Variants in HAUS7 observed in about 807,000 individuals in gnomAD.
HAUS7 encodes the protein HAUS augmin-like complex subunit 7.
Under a neutral mutation model 28.4 loss-of-function variants are expected in HAUS7, and 3 were observed. That is an observed-to-expected ratio of 0.11 (90% CI 0.05 to 0.27). The LOEUF (loss-of-function observed/expected upper bound fraction) is 0.27. Ranked by LOEUF, HAUS7 falls within the 10% of genes least tolerant of loss-of-function variation. HAUS7 has a pLI of 1.00. For synonymous variants in HAUS7, 165 were observed against 132.1 expected, an observed-to-expected ratio of 1.25 and a Z score of -1.71; for missense variants, 284 against 297.3, an observed-to-expected ratio of 0.96 and a Z score of 0.33.
chrX:153,478,403 A>G (rs1291386871), intron 1 of HAUS7, among the ~76,000 whole-genome samples: 2 of 111,467 alleles, frequency 1.8e-5, no homozygotes, highest in Non-Finnish European at 3.8e-5. Context: ...AGCCCAGCCT[A>G]TTTTCCACCT....
intron 3 of HAUS7, chrX:153,463,077 A>G: frequency 2.9e-6 from 1 of 343,541 alleles, no homozygotes; most frequent in South Asian, 2.6e-5. Context: ...TCGTGCCATC[A>G]TCTGCTATCA....
At chrX:153,469,839 A>C (rs1330938681) in intron 1 of HAUS7, among the ~76,000 whole-genome samples, 1 of 110,773 alleles carries the variant, frequency 9.0e-6, no homozygotes, top group Non-Finnish European at 1.9e-5. Flanking sequence ...AGGTTTCGGG[A>C]CTGAGGGAAA....
chrX:153,473,128 C>T (rs1175068381), upstream of HAUS7, among the ~76,000 whole-genome samples: 4 of 111,860 alleles, frequency 3.6e-5, no homozygotes, highest in Non-Finnish European at 5.7e-5. Flanking sequence ...AAGTGGGCAG[C>T]CTCCCTGACC....
rs969570085 is a variant in HAUS7 at position 153,454,437 on chromosome X, G to C, written c.1002C>G (p.Gly334=). 8.4e-6 allele frequency: 10 copies of C among 1,188,810 alleles called. No individual in the cohort carries two copies. Among genetic ancestry groups the C allele is most frequent in the African/African-American group, 1.8e-5 (1 of 55,756 alleles). The change falls in exon 9 of 10, where the codon GGC becomes GGG. Residue 334 remains glycine (G), a synonymous_variant. Coordinates refer to ENST00000370211, the MANE Select transcript of HAUS7 (RefSeq NM_001385482.1). ...TGCTGCCACCCCAGCAGATCTGCTC[G>C]CCTTGCTGCTTCTTCACGGTCTCCA... ...KAVETVKKQQ[G]EQICWGGSSS...
intron 1 of HAUS7, among the ~76,000 whole-genome samples, chrX:153,479,809 G>A (rs782277351): frequency 6.3e-5 from 7 of 111,507 alleles, no homozygotes; most frequent in East Asian, 2.9e-4. Flanking sequence ...GGGGTAGGGC[G>A]GGAGGGGCCA....
chrX:153,492,911 G>A (rs782004775), intron 1 of HAUS7, among the ~76,000 whole-genome samples: 12 of 111,955 alleles, frequency 1.1e-4, no homozygotes, highest in Non-Finnish European at 1.7e-4. Context: ...GAGGCCCTGA[G>A]TGACAGCTCC....
At chrX:153,489,679 G>A (rs2089659721) in intron 1 of HAUS7, among the ~76,000 whole-genome samples, 1 of 112,452 alleles carries the variant, frequency 8.9e-6, no homozygotes, top group African/African-American at 3.2e-5. Context: ...CCCTGGGGCT[G>A]GGCCTGTGTC....
intron 1 of HAUS7, chrX:153,482,287 G>A (rs952749351): frequency 5.3e-5 from 40 of 754,472 alleles, no homozygotes; most frequent in Non-Finnish European, 1.1e-5. Context: ...CGACCAGCAG[G>A]CCCCCAACCC....
upstream of HAUS7, among the ~76,000 whole-genome samples, chrX:153,473,306 C>T (rs1157766980): frequency 1.8e-5 from 2 of 112,807 alleles, no homozygotes; most frequent in Non-Finnish European, 1.9e-5. Flanking sequence ...TCTGCAGAGG[C>T]GGGTCTGCTT....
intron 1 of HAUS7, among the ~76,000 whole-genome samples, chrX:153,477,038 C>T (rs1418066661): frequency 8.8e-6 from 1 of 113,076 alleles, no homozygotes; most frequent in Non-Finnish European, 1.9e-5. Context: ...AGGAGTACCA[C>T]TCCCCAGGGG....
chrX:153,470,415 C>T (rs2089506547), intron 1 of HAUS7, 35 bp downstream of exon 1: 1 of 1,197,874 alleles, frequency 8.3e-7, no homozygotes, highest in African/African-American at 1.7e-5. Context: ...CTCCCCGGTC[C>T]CCCGCCCTGG....
At chrX:153,456,946 G>C (rs1015191456) in intron 5 of HAUS7, 191 bp downstream of exon 5, 1 of 443,288 alleles carries the variant, frequency 2.3e-6, no homozygotes, top group African/African-American at 2.5e-5. Context: ...GCAACAGCCA[G>C]CACCCTTGGG....
intron 2 of HAUS7, among the ~76,000 whole-genome samples, chrX:153,466,833 G>T (rs782557354): frequency 3.0e-4 from 34 of 112,427 alleles, no homozygotes; most frequent in African/African-American, 1.1e-3. Context: ...CCGATATGAC[G>T]CTCAAAGGAG....
Position 153,447,783 on chromosome X carries a change from G to A in HAUS7, c.*95C>T. Reference sequence around the variant, plus strand: ...ACGTGGGGCTGCAACGGCTTCTGCTGCCACAATCATCCATCCTCGGCCAAC... The same window carrying A: ...ACGTGGGGCTGCAACGGCTTCTGCTACCACAATCATCCATCCTCGGCCAAC... On this transcript the variant is annotated 3_prime_UTR_variant, in exon 10 of 10. Transcript: ENST00000370211. 1.3e-6 allele frequency: 1 copy of A among 741,091 alleles called. No individual in the cohort carries two copies. Among genetic ancestry groups the A allele is most frequent in the South Asian group, 2.1e-5 (1 of 48,094 alleles). The allele number at this position is 741,091 out of a possible 1,213,427, so 61.1% of individuals were successfully genotyped here.
chrX:153,487,211 G>A, intron 1 of HAUS7: 1 of 192,380 alleles, frequency 5.2e-6, no homozygotes, highest in East Asian at 1.6e-4. Flanking sequence ...CCAGGGTCCT[G>A]AAGTCCTTGC....
intron 3 of HAUS7, chrX:153,462,955 G>A: frequency 2.3e-6 from 1 of 439,590 alleles, no homozygotes; most frequent in Non-Finnish European, 4.2e-6. Context: ...CCTGAGGAGT[G>A]GACAGGGGTC....
At chrX:153,470,852 G>A (rs1441230635), upstream of HAUS7, 2 of 388,423 alleles carry the variant, frequency 5.1e-6, no homozygotes, top group African/African-American at 5.0e-5. Flanking sequence ...GGCGGACACC[G>A]GGAAAGGGGC....
upstream of HAUS7, among the ~76,000 whole-genome samples, chrX:153,473,592 T>C (rs2089543335): frequency 8.9e-6 from 1 of 112,817 alleles, no homozygotes; most frequent in South Asian, 3.6e-4. Context: ...TGTGTGCGTG[T>C]GTGTGTTTTG....
chrX:153,466,552 A>G (rs1428941323), intron 2 of HAUS7, among the ~76,000 whole-genome samples: 1 of 111,931 alleles, frequency 8.9e-6, no homozygotes, highest in East Asian at 2.8e-4. Context: ...AGGAGATGAA[A>G]AGGCGGCCCT....
Sources: gnomAD v4.1 joint callset for allele counts (sites outside exome capture counted in the v4.1 genomes callset) on GRCh38, gnomAD v4.1.1 for gene constraint, MANE v1.5 for transcripts, NCBI Gene and HGNC (gene_info 2026-07-23, HGNC 2026-07-21) for gene names.